ATRN: variants seen among roughly 807,000 people sequenced by gnomAD.
ATRN encodes attractin-2.
ATRN carries 54 observed loss-of-function variants against 178.7 expected under a neutral mutation model. The observed-to-expected ratio is 0.30, with a 90% CI of 0.24 to 0.38. The LOEUF (loss-of-function observed/expected upper bound fraction) is 0.38, where lower values mean the gene tolerates loss of function less well. ATRN is among the 10% of genes least tolerant of loss of function. ATRN has a pLI of 1.00. For synonymous variants in ATRN, 636 were observed against 663.0 expected (o/e 0.96, Z 0.63); for missense variants, 1,443 against 1,815.1 (o/e 0.79, Z 3.73).
chr20:3,544,843 T>C (rs565312416), intron 3 of ATRN, among the ~76,000 whole-genome samples: 1 of 151,528 alleles, frequency 6.6e-6, no homozygotes, highest in South Asian at 2.1e-4. Flanking sequence ...TTTTTTTTTT[T>C]ACCAGTCACA....
chr20:3,562,607 G>A, intron 9 of ATRN, 148 bp downstream of exon 9: 4 of 709,766 alleles, frequency 5.6e-6, no homozygotes, highest in East Asian at 2.9e-5. Context: ...ATAAACAGAG[G>A]GTAATAAAGT....
At chr20:3,583,546 C>T (rs531105614) in intron 16 of ATRN, among the ~76,000 whole-genome samples, 5 of 152,150 alleles carry the variant, frequency 3.3e-5, no homozygotes, top group African/African-American at 4.8e-5. Context: ...CAGTGGCTCA[C>T]GCCTGTAATC....
In ATRN at chr20:3,638,449, A is replaced by G. The variant is rs1568777613; in HGVS notation, c.3943-379A>G. 1.3e-5 allele frequency among the ~76,000 whole-genome samples: 2 copies of G among 152,228 alleles called. No homozygotes were observed. Among genetic ancestry groups the G allele is most frequent in the Middle Eastern group, 3.2e-3 (1 of 316 alleles). Reference sequence around the variant, plus strand: ...CTTCCAGCTTCATCCGTGTCCCTGCAAAGGATATGAACTCATTTATTTTAT... The same window carrying G: ...CTTCCAGCTTCATCCGTGTCCCTGCGAAGGATATGAACTCATTTATTTTAT... On this transcript the variant is annotated intron_variant, in intron 26 of 28. Coordinates refer to ENST00000262919, the MANE Select transcript of ATRN (RefSeq NM_139321.3). This position sits in a 1 kb window ranked among gnomAD's most constrained non-coding sequence, Gnocchi z 4.5.
At chr20:3,547,140 T>G in intron 4 of ATRN, 144 bp from the exon 5 acceptor site, 1 of 693,530 alleles carries the variant, frequency 1.4e-6, no homozygotes, top group Non-Finnish European at 2.5e-6. Context: ...AGCAAACCCA[T>G]TTGGACTGAA....
intron 12 of ATRN, among the ~76,000 whole-genome samples, chr20:3,574,619 T>C (rs2086177244): frequency 6.6e-6 from 1 of 152,260 alleles, no homozygotes. Flanking sequence ...TTAGCTTGTC[T>C]CTTGAAAGGG....
At chr20:3,494,520 G>GA (rs2084851379) in intron 1 of ATRN, among the ~76,000 whole-genome samples, 1 of 152,116 alleles carries the variant, frequency 6.6e-6, no homozygotes, top group Non-Finnish European at 1.5e-5. Context: ...AGGAGAATTT[G>GA]AATTAGAGCA....
intron 1 of ATRN, among the ~76,000 whole-genome samples, chr20:3,528,353 C>T (rs1371676242): frequency 6.8e-6 from 1 of 146,208 alleles, no homozygotes; most frequent in Non-Finnish European, 1.5e-5. Flanking sequence ...GGCAACAGGG[C>T]GAAACTCCGT....
At chr20:3,500,003 C>T (rs1197223326) in intron 1 of ATRN, among the ~76,000 whole-genome samples, 1 of 152,072 alleles carries the variant, frequency 6.6e-6, no homozygotes, top group Non-Finnish European at 1.5e-5. Flanking sequence ...AACAAACAAC[C>T]CCATCAAAAA....
At chr20:3,613,124 C>T (rs1270857956) in intron 24 of ATRN, among the ~76,000 whole-genome samples, 1 of 152,182 alleles carries the variant, frequency 6.6e-6, no homozygotes, top group Non-Finnish European at 1.5e-5. Context: ...TTTTCTGGAT[C>T]ACTAACTTAA....
intron 2 of ATRN, among the ~76,000 whole-genome samples, chr20:3,537,312 T>C (rs531865258): frequency 6.6e-6 from 1 of 152,160 alleles, no homozygotes; most frequent in Non-Finnish European, 1.5e-5. Flanking sequence ...CTGCCAGATA[T>C]CCAACTCTGA....
intron 7 of ATRN, 24 bp from the exon 8 acceptor site, chr20:3,560,638 A>T (rs769910524): frequency 1.9e-6 from 3 of 1,559,910 alleles, no homozygotes; most frequent in Non-Finnish European, 2.6e-6. Context: ...GTTTTTAAAA[A>T]TTTTGTTTGC....
chr20:3,623,786 T>C (rs923081422), intron 24 of ATRN, among the ~76,000 whole-genome samples: 29 of 152,224 alleles, frequency 1.9e-4, no homozygotes, highest in Middle Eastern at 3.2e-3. Flanking sequence ...ATGCATTTTT[T>C]CGTGGGCTAA....
intron 1 of ATRN, chr20:3,489,636 G>T: frequency 6.8e-7 from 1 of 1,464,958 alleles, no homozygotes. Flanking sequence ...TCATTCTGAA[G>T]CCTTCTGCAA....
chr20:3,528,524 A>G (rs76113849), intron 1 of ATRN, among the ~76,000 whole-genome samples: 6,065 of 152,224 alleles, frequency 0.04, 160 homozygotes, highest in Non-Finnish European at 0.058. Context: ...CTCACTTACA[A>G]GTAGGAACTA....
intron 23 of ATRN, among the ~76,000 whole-genome samples, chr20:3,601,299 G>T (rs2086604270): frequency 6.6e-6 from 1 of 152,100 alleles, no homozygotes; most frequent in African/African-American, 2.4e-5. Context: ...GTGGTGTCAG[G>T]CTCAGTGTGT....
Position 3,549,227 on chromosome 20 carries a change from A to G in ATRN, c.1001A>G (p.Tyr334Cys). 1.2e-6 allele frequency: 2 copies of G among 1,611,302 alleles called. No homozygotes were observed. ...ANQSFWTREE[Y>C]SNLKLPRASH... ...CAGTCATTTTGGACTCGAGAGGAAT[A>G]TTCTAACTTAAAGCTCCCCAGAGCA... Residue 334 changes from tyrosine to cysteine, a missense_variant, in exon 6 of 29, where the codon TAT (tyrosine) becomes TGT (cysteine). Physicochemically the swap from Tyr to Cys is radical, Grantham distance 194. Around this residue, in one of 4 missense-constraint regions of ATRN, gnomAD observed 862 missense variants for 972.1 expected, o/e 0.89. Transcript: ENST00000262919.
intron 5 of ATRN, 140 bp downstream of exon 5, chr20:3,547,629 CTCTA>C (rs2085725448): frequency 1.2e-5 from 9 of 743,094 alleles, no homozygotes; most frequent in Middle Eastern, 7.9e-4. Flanking sequence ...TGAAACATCC[CTCTA>C]TCTAGCTGCT....
At chr20:3,630,964 TGGGATAGGGTC>T (rs2086985977) in intron 25 of ATRN, among the ~76,000 whole-genome samples, 3 of 73,424 alleles carry the variant, frequency 4.1e-5, no homozygotes, top group Admixed American at 1.6e-4. Flanking sequence ...TTTTTTTTTT[TGGGATAGGGTC>T]TCTGTTGCCC....
intron 24 of ATRN, among the ~76,000 whole-genome samples, chr20:3,611,776 A>C (rs968246852): frequency 1.3e-5 from 2 of 152,150 alleles, no homozygotes; most frequent in African/African-American, 4.8e-5. Flanking sequence ...GAGAAATGCA[A>C]ATTGAAAGCA....
Sources: allele counts gnomAD v4.1 joint callset (sites outside exome capture counted in the v4.1 genomes callset), GRCh38; gene constraint gnomAD v4.1.1; regional missense constraint gnomAD v4.1.1; non-coding constraint Gnocchi (gnomAD v3.1); transcripts MANE v1.5; gene names NCBI Gene and HGNC (gene_info 2026-07-23, HGNC 2026-07-21).